The following GBE1 variants were observed in gnomAD, a reference collection of about 807,000 sequenced individuals.
GBE1 encodes 1,4-alpha-glucan branching enzyme 1.
A neutral mutation model predicts 88.8 loss-of-function variants in GBE1; 70 were observed. The observed-to-expected ratio is 0.79, with a 90% CI of 0.65 to 0.96. The LOEUF is 0.96. Among genes scored for constraint, GBE1 ranks in the 40% least tolerant of loss-of-function variants. The pLI, the probability that GBE1 is intolerant of heterozygous loss-of-function variation, is 0.00. For missense variants in GBE1, 872 were observed against 871.0 expected (o/e 1.00, Z -0.01); for synonymous variants, 284 against 300.1 (o/e 0.95, Z 0.56).
At chr3:81,660,410 C>T (rs115620262) in intron 3 of GBE1, among the ~76,000 whole-genome samples, 42 of 152,210 alleles carry the variant, frequency 2.8e-4, no homozygotes, top group African/African-American at 9.9e-4. Flanking sequence ...AGGCACAAGG[C>T]AGCAAACTTT....
At chr3:81,582,807 A>G (rs1196009067) in intron 10 of GBE1, among the ~76,000 whole-genome samples, 2 of 152,102 alleles carry the variant, frequency 1.3e-5, no homozygotes, top group Non-Finnish European at 2.9e-5. Flanking sequence ...AGTAAAAACC[A>G]TAAGAGAGTC....
intron 7 of GBE1, chr3:81,613,102 CT>C: frequency 1.8e-6 from 1 of 552,124 alleles, no homozygotes; most frequent in Non-Finnish European, 2.9e-6. Context: ...GGATTCCGAC[CT>C]TCCTTTTTTA....
At chr3:81,491,861 A>G (rs1454089850) in intron 15 of GBE1, among the ~76,000 whole-genome samples, 1 of 152,238 alleles carries the variant, frequency 6.6e-6, no homozygotes, top group Non-Finnish European at 1.5e-5. Flanking sequence ...TCAACTCTAC[A>G]AATGTTTTCT....
In GBE1 at chr3:81,549,034, T is replaced by C. The variant is rs1425644832; in HGVS notation, c.1619-11939A>G. 4.7e-5 allele frequency among the ~76,000 whole-genome samples: 7 copies of C among 148,172 alleles called. 1 individual carries two copies. The East Asian group carries it at 5.8e-4, about 12-fold the overall frequency. ...TGGAAACTATTTGTGAGTATTCTTTTTTTTTTTTTTTTTTCAGATGGAGTC... is the reference window on the plus strand; with the variant it reads ...TGGAAACTATTTGTGAGTATTCTTTCTTTTTTTTTTTTTTCAGATGGAGTC... On this transcript the variant is annotated intron_variant, in intron 12 of 15. Transcript: ENST00000429644.
At chr3:81,686,944 C>A (rs1255098293) in intron 2 of GBE1, among the ~76,000 whole-genome samples, 1 of 151,942 alleles carries the variant, frequency 6.6e-6, no homozygotes, top group African/African-American at 2.4e-5. Context: ...TTTTAACTTA[C>A]AATTTTGTAA....
At chr3:81,607,567 A>C (rs952760353) in intron 7 of GBE1, among the ~76,000 whole-genome samples, 2 of 152,100 alleles carry the variant, frequency 1.3e-5, no homozygotes, top group African/African-American at 4.8e-5. Flanking sequence ...TAAAAACAAA[A>C]ACAAAAAATA....
chr3:81,659,978 C>CA (rs1035915744), intron 3 of GBE1, among the ~76,000 whole-genome samples: 6 of 151,934 alleles, frequency 3.9e-5, no homozygotes, highest in African/African-American at 7.3e-5. Flanking sequence ...CTTTCTTCTA[C>CA]AAAAAATCTG....
chr3:81,607,232 C>T (rs972685591), intron 7 of GBE1, among the ~76,000 whole-genome samples: 1 of 152,126 alleles, frequency 6.6e-6, no homozygotes, highest in African/African-American at 2.4e-5. Context: ...CTATTGTTTA[C>T]CTCTTCATAA....
At chr3:81,591,846 A>C (rs1415792407) in intron 8 of GBE1, among the ~76,000 whole-genome samples, 2 of 151,764 alleles carry the variant, frequency 1.3e-5, no homozygotes, top group African/African-American at 4.8e-5. Flanking sequence ...TCTAAGTTCT[A>C]TTGATTTTTT....
intron 9 of GBE1, among the ~76,000 whole-genome samples, chr3:81,588,339 T>C (rs1409237260): frequency 6.6e-6 from 1 of 152,090 alleles, no homozygotes; most frequent in Admixed American, 6.6e-5. Context: ...TCAGGCACCA[T>C]ATTAGGAACT....
chr3:81,496,502 T>C (rs1702500571), intron 15 of GBE1, among the ~76,000 whole-genome samples: 1 of 152,218 alleles, frequency 6.6e-6, no homozygotes, highest in Non-Finnish European at 1.5e-5. Context: ...AAAAATTTCA[T>C]GGAAGAAGGA....
chr3:81,517,479 T>A (rs1162428135), intron 14 of GBE1, among the ~76,000 whole-genome samples: 3 of 151,452 alleles, frequency 2.0e-5, no homozygotes, highest in Admixed American at 1.3e-4. Context: ...TGGAACCCAA[T>A]CTGCACTGTC....
chr3:81,510,687 T>C (rs921809263), intron 14 of GBE1, among the ~76,000 whole-genome samples: 1 of 151,976 alleles, frequency 6.6e-6, no homozygotes, highest in African/African-American at 2.4e-5. Context: ...ACTAAAGAAC[T>C]TACTCATGTA....
chr3:81,732,776 A>G (rs1286748405), intron 1 of GBE1, among the ~76,000 whole-genome samples: 2 of 152,134 alleles, frequency 1.3e-5, no homozygotes, highest in Admixed American at 6.6e-5. Flanking sequence ...ATTTTAAGTC[A>G]TAAGTTCATG....
intron 2 of GBE1, among the ~76,000 whole-genome samples, chr3:81,693,429 C>T (rs576241649): frequency 6.6e-6 from 1 of 152,016 alleles, no homozygotes; most frequent in Admixed American, 6.6e-5. Flanking sequence ...CACATAATGG[C>T]CACAACTACT....
chr3:81,718,539 G>A (rs1705975321), intron 1 of GBE1, among the ~76,000 whole-genome samples: 1 of 152,150 alleles, frequency 6.6e-6, no homozygotes, highest in Non-Finnish European at 1.5e-5. Context: ...CAGCTAGTCT[G>A]TGTGTGAAGC....
intron 7 of GBE1, among the ~76,000 whole-genome samples, chr3:81,624,735 T>C (rs1210694995): frequency 6.6e-6 from 1 of 152,098 alleles, no homozygotes; most frequent in Non-Finnish European, 1.5e-5. Flanking sequence ...ATCTATAAGG[T>C]AACATAACTT....
At chr3:81,519,197 T>G (rs1300746853) in intron 14 of GBE1, among the ~76,000 whole-genome samples, 1 of 151,646 alleles carries the variant, frequency 6.6e-6, no homozygotes, top group African/African-American at 2.4e-5. Flanking sequence ...CCTTATTTGC[T>G]TATTAGAAAC....
At chr3:81,669,986 T>C (rs1705167506) in intron 3 of GBE1, among the ~76,000 whole-genome samples, 1 of 152,120 alleles carries the variant, frequency 6.6e-6, no homozygotes, top group African/African-American at 2.4e-5. Flanking sequence ...AAATAACAAA[T>C]ACCAATAAAA....
Sources: allele counts gnomAD v4.1 joint callset (sites outside exome capture counted in the v4.1 genomes callset), GRCh38; gene constraint gnomAD v4.1.1; transcripts MANE v1.5; gene names NCBI Gene and HGNC (gene_info 2026-07-23, HGNC 2026-07-21).